The following MARCHF3 variants were observed in gnomAD, a reference collection of about 807,000 sequenced individuals.
MARCHF3 encodes the protein membrane associated ring-CH-type finger 3.
A neutral mutation model predicts 24.2 loss-of-function variants in MARCHF3; 13 were observed. That is an observed-to-expected ratio of 0.54 (90% CI 0.35 to 0.85). The LOEUF is 0.85. Among genes scored for constraint, MARCHF3 ranks in the 40% least tolerant of loss-of-function variants. MARCHF3 has a pLI of 0.01. For missense variants in MARCHF3, 276 were observed against 325.0 expected, an observed-to-expected ratio of 0.85 and a Z score of 1.16; for synonymous variants, 144 against 137.3, an observed-to-expected ratio of 1.05 and a Z score of -0.34.
intron 1 of MARCHF3, among the ~76,000 whole-genome samples, chr5:126,943,597 C>A (rs1435921402): frequency 3.7e-4 from 55 of 147,600 alleles, no homozygotes; most frequent in Non-Finnish European, 5.3e-4. Context: ...AAAAAAAAAA[C>A]CCCTCAAAAT....
At position 127,029,093 on chromosome 5, in the gene MARCHF3, G is replaced by A. The variant is rs142934829; in HGVS notation, c.-57+1257C>T. ...AGACAGACCAGGCAGATGCAGACAT[G>A]CTTACGCATACACACTCACTAACAC... is the stretch of plus-strand genomic sequence containing the variant. On this transcript the variant is annotated intron_variant, in intron 1 of 4. Coordinates refer to ENST00000308660, the MANE Select transcript of MARCHF3 (RefSeq NM_178450.5). Among the ~76,000 whole-genome samples, 371 of 152,324 alleles carry A rather than the reference G, an allele frequency of 2.4e-3. 2 individuals are homozygous for A. Among genetic ancestry groups the A allele is most frequent in the African/African-American group, 8.4e-3 (351 of 41,572 alleles).
chr5:126,989,584 C>G (rs1041345357), intron 1 of MARCHF3, among the ~76,000 whole-genome samples: 1 of 152,098 alleles, frequency 6.6e-6, no homozygotes, highest in African/African-American at 2.4e-5. Flanking sequence ...AATAGCTCCA[C>G]AGGCAGGGGC....
intron 1 of MARCHF3, among the ~76,000 whole-genome samples, chr5:127,000,796 AG>A (rs778750426): frequency 1.9e-4 from 29 of 151,934 alleles, no homozygotes; most frequent in Non-Finnish European, 3.5e-4. Flanking sequence ...CCTCCCGAGT[AG>A]CTGGGACTAC....
chr5:127,007,345 G>T (rs1202293938), intron 1 of MARCHF3, among the ~76,000 whole-genome samples: 1 of 141,346 alleles, frequency 7.1e-6, no homozygotes, highest in Non-Finnish European at 1.5e-5. Flanking sequence ...TTGCATACAA[G>T]TAAAAAAAAA....
At chr5:126,930,774 G>A (rs1366459265) in intron 1 of MARCHF3, among the ~76,000 whole-genome samples, 1 of 152,236 alleles carries the variant, frequency 6.6e-6, no homozygotes, top group African/African-American at 2.4e-5. Context: ...TCCCCACAGA[G>A]GCATTTATAA....
At chr5:126,967,809 A>C (rs1477422327) in intron 1 of MARCHF3, among the ~76,000 whole-genome samples, 1 of 152,202 alleles carries the variant, frequency 6.6e-6, no homozygotes, top group African/African-American at 2.4e-5. Flanking sequence ...TGTGTTTTAA[A>C]AATTGAGATA....
chr5:126,882,525 C>G (rs949792691), intron 3 of MARCHF3, among the ~76,000 whole-genome samples: 1 of 152,156 alleles, frequency 6.6e-6, no homozygotes, highest in African/African-American at 2.4e-5. Context: ...ACATTTTTGG[C>G]TCTTATGTCT....
intron 3 of MARCHF3, among the ~76,000 whole-genome samples, chr5:126,881,977 G>T (rs1753357463): frequency 6.6e-6 from 1 of 152,134 alleles, no homozygotes; most frequent in Non-Finnish European, 1.5e-5. Flanking sequence ...GATGGCTGGG[G>T]CAGGCTCAGT....
chr5:126,976,497 C>G (rs1265955289), intron 1 of MARCHF3, among the ~76,000 whole-genome samples: 1 of 152,070 alleles, frequency 6.6e-6, no homozygotes, highest in Non-Finnish European at 1.5e-5. Context: ...TGACCCTCTA[C>G]TGGGGCACTC....
intron 3 of MARCHF3, among the ~76,000 whole-genome samples, chr5:126,912,568 G>T (rs1450116520): frequency 1.3e-5 from 2 of 152,098 alleles, no homozygotes; most frequent in Admixed American, 1.3e-4. Flanking sequence ...GGCAGGTTTT[G>T]CTGATTTGCT....
chr5:126,905,850 A>G (rs1159438714), intron 3 of MARCHF3, among the ~76,000 whole-genome samples: 1 of 152,042 alleles, frequency 6.6e-6, no homozygotes, highest in East Asian at 1.9e-4. Flanking sequence ...TTTCAACACT[A>G]TGTTGAATAG....
intron 1 of MARCHF3, among the ~76,000 whole-genome samples, chr5:127,016,321 T>C (rs775350406): frequency 5.3e-5 from 8 of 152,142 alleles, no homozygotes; most frequent in Non-Finnish European, 8.8e-5. Context: ...GAATTTGTAC[T>C]GCACAATCTA....
chr5:126,920,664 G>A lies in MARCHF3; in HGVS notation c.-56-2437C>T, dbSNP rs73783495. 2.0e-5 allele frequency among the ~76,000 whole-genome samples: 3 copies of A among 152,278 alleles called. No homozygotes were observed. The East Asian group carries it at 5.8e-4, about 29-fold the overall frequency. ...TAAATAATGGGACCCAGGGCTGCCA[G>A]TAGTTAGGCTACCCTCAGTGAATTG... is the stretch of plus-strand genomic sequence containing the variant. On this transcript the variant is annotated intron_variant, in intron 1 of 4. Coordinates refer to ENST00000308660, the MANE Select transcript of MARCHF3 (RefSeq NM_178450.5).
chr5:126,904,093 T>C (rs2126784864), intron 3 of MARCHF3, among the ~76,000 whole-genome samples: 1 of 151,040 alleles, frequency 6.6e-6, no homozygotes, highest in East Asian at 1.9e-4. Context: ...GATAGTTTAC[T>C]GAGAATGATG....
At chr5:126,977,614 G>A (rs1751246162) in intron 1 of MARCHF3, among the ~76,000 whole-genome samples, 1 of 152,138 alleles carries the variant, frequency 6.6e-6, no homozygotes, top group Non-Finnish European at 1.5e-5. Context: ...ATATTACAAT[G>A]CATATATTCA....
chr5:126,894,417 G>T (rs373694623), intron 3 of MARCHF3, among the ~76,000 whole-genome samples: 1 of 151,232 alleles, frequency 6.6e-6, no homozygotes, highest in Non-Finnish European at 1.5e-5. Context: ...ATTTTGCAGC[G>T]GCTGGTACCG....
intron 1 of MARCHF3, among the ~76,000 whole-genome samples, chr5:126,935,671 C>T (rs1242768069): frequency 2.5e-5 from 3 of 119,684 alleles, no homozygotes; most frequent in Admixed American, 1.2e-4. Context: ...AGTGCAATGG[C>T]GTGATCTTGG....
chr5:126,906,419 A>G (rs1443546034), intron 3 of MARCHF3, among the ~76,000 whole-genome samples: 1 of 152,232 alleles, frequency 6.6e-6, no homozygotes, highest in African/African-American at 2.4e-5. Flanking sequence ...TACCTCTGGT[A>G]GAATTCGGCT....
intron 1 of MARCHF3, among the ~76,000 whole-genome samples, chr5:126,966,294 G>T (rs1747780464): frequency 6.6e-6 from 1 of 152,074 alleles, no homozygotes; most frequent in South Asian, 2.1e-4. Context: ...TTTGTCAAAA[G>T]CATTCAACTT....
Sources: gnomAD v4.1 joint callset for allele counts (sites outside exome capture counted in the v4.1 genomes callset) on GRCh38, gnomAD v4.1.1 for gene constraint, MANE v1.5 for transcripts, NCBI Gene and HGNC (gene_info 2026-07-23, HGNC 2026-07-21) for gene names.